Variants in HECW1 observed in about 807,000 individuals in gnomAD.
The protein encoded by HECW1 is E3 ubiquitin-protein ligase HECW1.
Under a neutral mutation model 182.3 loss-of-function variants are expected in HECW1, and 61 were observed. The observed-to-expected ratio is 0.33, with a 90% CI of 0.27 to 0.41. HECW1 has a LOEUF of 0.41. Among genes scored for constraint, HECW1 ranks in the 10% least tolerant of loss-of-function variants. The probability of loss-of-function intolerance (pLI) is 1.00; values close to 1 mark genes in which losing one functional copy is unlikely to be tolerated. For synonymous variants in HECW1, 859 were observed against 832.6 expected, an observed-to-expected ratio of 1.03 and a Z score of -0.55; for missense variants, 1,739 against 2,108.9, an observed-to-expected ratio of 0.82 and a Z score of 3.44.
intron 19 of HECW1, 79 bp downstream of exon 19, chr7:43,493,259 CAG>C: frequency 1.1e-6 from 1 of 879,106 alleles, no homozygotes; most frequent in South Asian, 1.4e-5. Flanking sequence ...TCTGTGGAGA[CAG>C]AGCGGAAGCT....
intron 8 of HECW1, among the ~76,000 whole-genome samples, chr7:43,434,469 C>T (rs2076648534): frequency 6.6e-6 from 1 of 152,180 alleles, no homozygotes; most frequent in Admixed American, 6.5e-5. Flanking sequence ...AGGAATAAAG[C>T]CAAGTTTATC....
At chr7:43,116,642 CT>C (rs755218600) in intron 2 of HECW1, among the ~76,000 whole-genome samples, 15 of 152,224 alleles carry the variant, frequency 9.9e-5, no homozygotes, top group Non-Finnish European at 1.0e-4. Context: ...TACCTGCTTC[CT>C]TTTCCATCCT....
intron 29 of HECW1, among the ~76,000 whole-genome samples, chr7:43,560,628 G>A (rs2304316): frequency 0.44 from 66,893 of 151,826 alleles, 14,770 homozygotes; most frequent in Non-Finnish European, 0.47. Context: ...ATCTCCCCCC[G>A]TAACCTGAGT....
At chr7:43,258,373 A>C (rs1341914592) in intron 3 of HECW1, among the ~76,000 whole-genome samples, 1 of 148,888 alleles carries the variant, frequency 6.7e-6, no homozygotes. Flanking sequence ...AAATAAAAAA[A>C]TAAAAAAAAA....
At chr7:43,363,827 G>A (rs1816276203) in intron 6 of HECW1, among the ~76,000 whole-genome samples, 1 of 152,182 alleles carries the variant, frequency 6.6e-6, no homozygotes, top group South Asian at 2.1e-4. Flanking sequence ...CTACCCTTCT[G>A]GTTAAGTGAT....
At chr7:43,270,537 C>T (rs1802281391) in intron 3 of HECW1, among the ~76,000 whole-genome samples, 2 of 152,156 alleles carry the variant, frequency 1.3e-5, no homozygotes, top group African/African-American at 4.8e-5. Context: ...ATTGTTACTC[C>T]TGCTGAATTC....
intron 12 of HECW1, among the ~76,000 whole-genome samples, chr7:43,454,525 T>C (rs1031269493): frequency 6.6e-6 from 1 of 152,244 alleles, no homozygotes. Context: ...TAGATAATCA[T>C]TAGATCTATT....
intron 3 of HECW1, among the ~76,000 whole-genome samples, chr7:43,283,674 C>G (rs1024654679): frequency 1.3e-5 from 2 of 152,110 alleles, no homozygotes; most frequent in African/African-American, 4.8e-5. Context: ...TGATTTAGAC[C>G]TACAGATATA....
At chr7:43,287,628 A>G (rs1361240214) in intron 3 of HECW1, among the ~76,000 whole-genome samples, 1 of 148,104 alleles carries the variant, frequency 6.8e-6, no homozygotes, top group East Asian at 1.9e-4. Context: ...ATAAGCCACC[A>G]TGTGCATCCC....
intron 6 of HECW1, among the ~76,000 whole-genome samples, chr7:43,369,361 G>A (rs1032064037): frequency 2.0e-5 from 3 of 152,284 alleles, no homozygotes; most frequent in Non-Finnish European, 2.9e-5. Context: ...GGGAGGCTGA[G>A]GCAAGAGAAT....
chr7:43,301,634 T>C (rs2152763331), intron 3 of HECW1, among the ~76,000 whole-genome samples: 1 of 152,254 alleles, frequency 6.6e-6, no homozygotes, highest in African/African-American at 2.4e-5. Flanking sequence ...TCCAGCTCTT[T>C]GGGAGGTCAA....
At chr7:43,267,594 T>G (rs1801939651) in intron 3 of HECW1, among the ~76,000 whole-genome samples, 1 of 151,698 alleles carries the variant, frequency 6.6e-6, no homozygotes, top group Non-Finnish European at 1.5e-5. Flanking sequence ...AACTAAAATA[T>G]AAGAAGAAAT....
At position 43,143,684 on chromosome 7, in the gene HECW1, A is replaced by G. The variant is rs531880810; in HGVS notation, c.-32+29293A>G. Reference sequence around the variant, plus strand: ...GGAACCCTTATGCAGCTGCTGCTTCAACTGCCCAAAGGACTTTGGAGAAGA... The same window carrying G: ...GGAACCCTTATGCAGCTGCTGCTTCGACTGCCCAAAGGACTTTGGAGAAGA... On this transcript the variant is annotated intron_variant, in intron 2 of 29. Coordinates refer to ENST00000395891, the MANE Select transcript of HECW1 (RefSeq NM_015052.5). Among the ~76,000 whole-genome samples the G allele has an allele frequency of 5.9e-5, 9 of 152,258 alleles. No homozygotes were observed. The East Asian group carries it at 1.7e-3, about 29-fold the overall frequency.
chr7:43,510,688 G>A (rs1006199059), intron 24 of HECW1, among the ~76,000 whole-genome samples: 1 of 152,232 alleles, frequency 6.6e-6, no homozygotes, highest in Non-Finnish European at 1.5e-5. Flanking sequence ...CTCTGTCCAA[G>A]TTAGGGGGTC....
chr7:43,243,114 TC>T lies in HECW1; in HGVS notation c.-31-760del, dbSNP rs1799042831. Among the ~76,000 whole-genome samples the T allele has an allele frequency of 6.6e-6, 1 of 152,196 alleles. No individual in the cohort carries two copies. Among genetic ancestry groups the T allele is most frequent in the Admixed American group, 6.5e-5 (1 of 15,288 alleles). On this transcript the variant is annotated intron_variant, in intron 2 of 29. Transcript: ENST00000395891. This position sits in a 1 kb window ranked among gnomAD's most constrained non-coding sequence, Gnocchi z 4.0. ...TGGAATCAGGCCACATTGATTATTT[TC>T]ATGGTGACTGTAACTCCCAAGGAAG... is the stretch of plus-strand genomic sequence containing the variant.
At chr7:43,317,121 C>T (rs1488361027) in intron 4 of HECW1, among the ~76,000 whole-genome samples, 1 of 152,002 alleles carries the variant, frequency 6.6e-6, no homozygotes, top group Non-Finnish European at 1.5e-5. Flanking sequence ...AGCTAGTGGT[C>T]TTAGACCAGG....
intron 7 of HECW1, among the ~76,000 whole-genome samples, chr7:43,404,458 G>A (rs911081077): frequency 6.6e-6 from 1 of 152,128 alleles, no homozygotes; most frequent in African/African-American, 2.4e-5. Context: ...ACAATAAATG[G>A]CTGAGTGATA....
rs922994797 is a variant in HECW1, at chr7:43,243,474, T to C, written c.-31-401T>C. Among the ~76,000 whole-genome samples, 6 of 152,166 alleles carry C rather than the reference T, an allele frequency of 3.9e-5. No individual in the cohort carries two copies. Among genetic ancestry groups the C allele is most frequent in the African/African-American group, 4.8e-5 (2 of 41,440 alleles). Reference sequence around the variant, plus strand: ...ACTGTAGATTCCCCTTCCTTTGTGGTTGAGGGAGCTTCAGGAGTGGATCAT... The same window carrying C: ...ACTGTAGATTCCCCTTCCTTTGTGGCTGAGGGAGCTTCAGGAGTGGATCAT... On this transcript the variant is annotated intron_variant, in intron 2 of 29. Transcript: ENST00000395891. The surrounding 1 kb of genome is among the most constrained non-coding windows in gnomAD (Gnocchi z 4.0).
Position 43,550,464 on chromosome 7 carries a change from A to C in HECW1, c.4268A>C (p.Lys1423Thr). 6.2e-7 allele frequency: 1 copy of C among 1,614,162 alleles called. No homozygotes were observed. The highest frequency in any genetic ancestry group is 8.5e-7 in the Non-Finnish European group (1 of 1,180,014). The change falls in exon 27 of 30, where the codon AAG becomes ACG. Residue 1423 changes from lysine to threonine, a missense_variant. By Grantham distance (78) the Lys-to-Thr change is moderately conservative (BLOSUM62 -1). This residue lies in a region of HECW1 where 420 missense variants were observed against 595.7 expected (regional missense o/e 0.71). Transcript: ENST00000395891. Reference sequence around the variant, plus strand: ...TACAAGGTCACGGAAAGGGAGTTGAAGTCTGGAGGAGCCAACACACAGGTG... The same window carrying C: ...TACAAGGTCACGGAAAGGGAGTTGACGTCTGGAGGAGCCAACACACAGGTG... Reference protein sequence around the residue: ...VFGQVTERELKSGGANTQVTE... With the variant: ...VFGQVTERELTSGGANTQVTE...
Sources: allele counts gnomAD v4.1 joint callset (sites outside exome capture counted in the v4.1 genomes callset), GRCh38; gene constraint gnomAD v4.1.1; regional missense constraint gnomAD v4.1.1; non-coding constraint Gnocchi (gnomAD v3.1); transcripts MANE v1.5; gene names NCBI Gene and HGNC (gene_info 2026-07-23, HGNC 2026-07-21).